The following LCE1F variants were observed in gnomAD, a reference collection of about 807,000 sequenced individuals.
The protein encoded by LCE1F is late cornified envelope protein 1F.
For missense variants in LCE1F, 154 were observed against 153.5 expected (o/e 1.00, Z -0.02); for synonymous variants, 67 against 59.9 (o/e 1.12, Z -0.55).
Position 152,776,512 on chromosome 1 carries a change from C to G in LCE1F, c.141C>G (p.Ser47Arg), listed in dbSNP as rs1017828053. Reference sequence around the variant, plus strand: ...CTGTCTCTTCCTGCTGCAGCGTCAGCTCCGGAGGCTGCTGTGGCTCCAGCT... The same window carrying G: ...CTGTCTCTTCCTGCTGCAGCGTCAGGTCCGGAGGCTGCTGTGGCTCCAGCT... The part of the protein sequence containing the change: ...CPPVSSCCSV[S>R]SGGCCGSSSG... Residue 47 changes from serine (S) to arginine (R), a missense_variant, in exon 2 of 2, where the codon AGC becomes AGG. By Grantham distance (110) the Ser-to-Arg change is moderately radical. Coordinates refer to ENST00000334371, the MANE Select transcript of LCE1F (RefSeq NM_178354.3). 2.5e-6 allele frequency: 4 copies of G among 1,603,094 alleles called. No homozygotes were observed. The African/African-American group carries it at 5.6e-5, about 22-fold the overall frequency.
At chr1:152,776,156 A>T (rs1259350051) in intron 1 of LCE1F, among the ~76,000 whole-genome samples, 194 bp from the exon 2 acceptor site, 1 of 152,210 alleles carries the variant, frequency 6.6e-6, no homozygotes, top group Admixed American at 6.5e-5. Context: ...CAACATCTCA[A>T]ATAAGGTTTG....
At position 152,776,834 on chromosome 1, in the gene LCE1F, C is replaced by A; in HGVS notation, c.*106C>A. ...GGGACATTTTAGTAAAGATTTCAAACTCTGTCCTGGAAGATTCCTCCGACC... is the reference window on the plus strand; with the variant it reads ...GGGACATTTTAGTAAAGATTTCAAAATCTGTCCTGGAAGATTCCTCCGACC... On this transcript the variant is annotated 3_prime_UTR_variant, in exon 2 of 2. Coordinates refer to ENST00000334371, the MANE Select transcript of LCE1F (RefSeq NM_178354.3). 7.5e-7 allele frequency: 1 copy of A among 1,337,028 alleles called. No homozygotes were observed. Among genetic ancestry groups the A allele is most frequent in the Non-Finnish European group, 1.0e-6 (1 of 986,814 alleles). 82.8% of individuals were successfully genotyped at this position (1,337,028 alleles called of 1,614,324 possible).
At position 152,776,766 on chromosome 1, in the gene LCE1F, T is replaced by C; in HGVS notation, c.*38T>C. 6.6e-7 allele frequency: 1 copy of C among 1,514,216 alleles called. No individual in the cohort carries two copies. The highest frequency in any genetic ancestry group is 1.3e-5 in the South Asian group (1 of 74,904). The allele number at this position is 1,514,216 out of a possible 1,614,324, so 93.8% of individuals were successfully genotyped here. On this transcript the variant is annotated 3_prime_UTR_variant, in exon 2 of 2. Coordinates refer to ENST00000334371, the MANE Select transcript of LCE1F (RefSeq NM_178354.3). ...GCCTAAAAGAGCAGATTTAGAGGCA[T>C]GAAAGGGGCAACTTCATCTTCCTTG...
Position 152,776,855 on chromosome 1 carries a change from C to A in LCE1F, c.*127C>A, listed in dbSNP as rs1001371814. 8.7e-6 allele frequency: 10 copies of A among 1,150,546 alleles called. No homozygotes were observed. In the African/African-American group the frequency reaches 1.1e-4, roughly 12 times the overall value. 71.3% of individuals were successfully genotyped at this position (1,150,546 alleles called of 1,614,324 possible). A position where few individuals can be genotyped will look rare whatever the true frequency, so the allele number is the denominator to read the frequency against. ...CAAACTCTGTCCTGGAAGATTCCTC[C>A]GACCTAGAATCCAGAAATCTGCCCT... is the stretch of plus-strand genomic sequence containing the variant. On this transcript the variant is annotated 3_prime_UTR_variant, in exon 2 of 2. Transcript: ENST00000334371.
At position 152,776,506 on chromosome 1, in the gene LCE1F, C is replaced by A. The variant is rs1758785; in HGVS notation, c.135C>A (p.Ser45Arg). 35 of 1,602,866 alleles carry A rather than the reference C, an allele frequency of 2.2e-5. No individual in the cohort carries two copies. Among genetic ancestry groups the A allele is most frequent in the Non-Finnish European group, 3.0e-5 (35 of 1,176,770 alleles). ...GCCCTCCTGTCTCTTCCTGCTGCAG[C>A]GTCAGCTCCGGAGGCTGCTGTGGCT... Reference protein sequence around the residue: ...PKCPPVSSCCSVSSGGCCGSS... With the variant: ...PKCPPVSSCCRVSSGGCCGSS... Residue 45 changes from serine (S) to arginine (R), a missense_variant, in exon 2 of 2, where the codon AGC becomes AGA. Ser to Arg is a moderately radical substitution (Grantham distance 110). Transcript: ENST00000334371.
chr1:152,775,442 A>C (rs1177995259), intron 1 of LCE1F, among the ~76,000 whole-genome samples: 5 of 152,200 alleles, frequency 3.3e-5, no homozygotes, highest in Admixed American at 3.3e-4. Flanking sequence ...ATTTAGAGGA[A>C]CCAAATTGTT....
chr1:152,776,484 C>G lies in LCE1F; in HGVS notation c.113C>G (p.Pro38Arg). 6.2e-7 allele frequency: 1 copy of G among 1,614,128 alleles called. No individual in the cohort carries two copies. The highest frequency in any genetic ancestry group is 2.2e-5 in the East Asian group (1 of 44,862). ...KCPPKCPPKC[P>R]PVSSCCSVSS... is the part of the protein sequence containing the mutation. ...CCCCCAAAGTGTCCCCCTAAGTGCC[C>G]TCCTGTCTCTTCCTGCTGCAGCGTC... Residue 38 changes from proline (P) to arginine (R), a missense_variant, in exon 2 of 2, where the codon CCT becomes CGT. Physicochemically the swap from Pro to Arg is moderately radical, Grantham distance 103 (BLOSUM62 -2). Coordinates refer to ENST00000334371, the MANE Select transcript of LCE1F (RefSeq NM_178354.3).
Position 152,776,546 on chromosome 1 carries a change from T to A in LCE1F, c.175T>A (p.Cys59Ser), listed in dbSNP as rs764190919. Reference sequence around the variant, plus strand: ...CTGCTGTGGCTCCAGCTCTGGGGGCTGCTGCAGCTCTGGGGGTGGTGGCTG... The same window carrying A: ...CTGCTGTGGCTCCAGCTCTGGGGGCAGCTGCAGCTCTGGGGGTGGTGGCTG... Reference protein sequence around the residue: ...GGCCGSSSGGCCSSGGGGCCS... With the variant: ...GGCCGSSSGGSCSSGGGGCCS... The change falls in exon 2 of 2, where the codon TGC becomes AGC. Residue 59 changes from cysteine to serine, a missense_variant. Transcript: ENST00000334371. 2 of 1,606,484 alleles carry A rather than the reference T, an allele frequency of 1.2e-6. No homozygotes were observed. The highest frequency in any genetic ancestry group is 1.7e-6 in the Non-Finnish European group (2 of 1,174,342).
At chr1:152,775,959 A>ATTTTTTTTTTTTTTTTTTTTTTTTTTTTT (rs1557832103) in intron 1 of LCE1F, among the ~76,000 whole-genome samples, 4 of 150,806 alleles carry the variant, frequency 2.7e-5, no homozygotes, top group African/African-American at 7.5e-5. Context: ...ATTTATTTTG[A>ATTTTTTTTTTTTTTTTTTTTTTTTTTTTT]TTTTTCCTTA....
At chr1:152,775,968 T>TTTTTTTTTTTTTTTTTTGAGACGG (rs1482952458) in intron 1 of LCE1F, among the ~76,000 whole-genome samples, 1 of 152,146 alleles carries the variant, frequency 6.6e-6, no homozygotes, top group African/African-American at 2.4e-5. Flanking sequence ...GATTTTTCCT[T>TTTTTTTTTTTTTTTTTTGAGACGG]AAAGAGATTT....
rs759590183 is a variant in LCE1F at position 152,776,614 on chromosome 1, A to G, written c.243A>G (p.Arg81=). 1.2e-5 allele frequency: 20 copies of G among 1,612,334 alleles called. No homozygotes were observed. The South Asian group carries it at 2.2e-4, about 18-fold the overall frequency. The change falls in exon 2 of 2, where the codon AGA becomes AGG. Residue 81 remains arginine, a synonymous_variant. Coordinates refer to ENST00000334371, the MANE Select transcript of LCE1F (RefSeq NM_178354.3). ...GGGGCCLSHH[R]RRRSHRHRPQ... is the part of the protein sequence containing the mutation. ...GCGGCTGTTGCCTGAGCCACCACAG[A>G]CGGCGTAGGTCCCACCGCCACAGAC...
At chr1:152,776,093 C>A (rs1466384612) in intron 1 of LCE1F, among the ~76,000 whole-genome samples, 1 of 152,124 alleles carries the variant, frequency 6.6e-6, no homozygotes, top group African/African-American at 2.4e-5. Context: ...CACTTAGGAG[C>A]TTTTAATGAG....
At chr1:152,776,159 A>T (rs868216812) in intron 1 of LCE1F, among the ~76,000 whole-genome samples, 191 bp from the exon 2 acceptor site, 3 of 152,150 alleles carry the variant, frequency 2.0e-5, no homozygotes, top group African/African-American at 7.2e-5. Context: ...CATCTCAAAT[A>T]AGGTTTGAAA....
chr1:152,776,015 G>A (rs1651581897), intron 1 of LCE1F, among the ~76,000 whole-genome samples: 1 of 152,100 alleles, frequency 6.6e-6, no homozygotes, highest in Admixed American at 6.5e-5. Context: ...AACATTTTCA[G>A]AATTCTTGGT....
rs1368978185 is a variant in LCE1F at position 152,775,188 on chromosome 1, C to T, written c.-25C>T. On this transcript the variant is annotated splice_region_variant and 5_prime_UTR_variant, in exon 1 of 2. Transcript: ENST00000334371. The stretch of plus-strand genomic sequence containing the variant: ...GAAGAACCCTGTGCTGCCTGTGATC[C>T]TGGTAAGTGTGCCCTGGAAAAAGGA... Among the ~76,000 whole-genome samples, 1 of 152,306 alleles carries T rather than the reference C, an allele frequency of 6.6e-6. No homozygotes were observed. The highest frequency in any genetic ancestry group is 1.9e-4 in the East Asian group (1 of 5,180).
rs1570847446 is a variant in LCE1F at position 152,776,587 on chromosome 1, A to T, written c.216A>T (p.Gly72=). 6.8e-7 allele frequency: 1 copy of T among 1,476,036 alleles called. No homozygotes were observed. The highest frequency in any genetic ancestry group is 9.3e-7 in the Non-Finnish European group (1 of 1,074,606). 91.4% of individuals were successfully genotyped at this position (1,476,036 alleles called of 1,614,324 possible). ...SGGGGCCSSG[G]GGCCLSHHRR... ...GTGGTGGCTGCTGCAGCTCTGGGGG[A>T]GGCGGCTGTTGCCTGAGCCACCACA... The change falls in exon 2 of 2, where the codon GGA becomes GGT. Residue 72 remains glycine (G), a synonymous_variant. Coordinates refer to ENST00000334371, the MANE Select transcript of LCE1F (RefSeq NM_178354.3).
In LCE1F at chr1:152,776,795, C is replaced by T; in HGVS notation, c.*67C>T. The T allele has an allele frequency of 6.8e-7, 1 of 1,473,828 alleles. No individual in the cohort carries two copies. The highest frequency in any genetic ancestry group is 9.1e-7 in the Non-Finnish European group (1 of 1,098,492). 91.3% of individuals were successfully genotyped at this position (1,473,828 alleles called of 1,614,324 possible). ...AGGGGCAACTTCATCTTCCTTGGGA[C>T]TGACTGTGTTGCTGGGACATTTTAG... On this transcript the variant is annotated 3_prime_UTR_variant, in exon 2 of 2. Transcript: ENST00000334371.
Position 152,776,465 on chromosome 1 carries a change from A to C in LCE1F, c.94A>C (p.Lys32Gln). Residue 32 changes from lysine (K) to glutamine (Q), a missense_variant, in exon 2 of 2, where the codon AAG becomes CAG. Lys to Gln is a moderately conservative substitution (Grantham distance 53). Transcript: ENST00000334371. ...GTGCCCCACACCGAAGTGCCCCCCA[A>C]AGTGTCCCCCTAAGTGCCCTCCTGT... The part of the protein sequence containing the change: ...PKCPTPKCPP[K>Q]CPPKCPPVSS... 1 of 1,597,300 alleles carries C rather than the reference A, an allele frequency of 6.3e-7. No individual in the cohort carries two copies. Among genetic ancestry groups the C allele is most frequent in the Admixed American group, 1.7e-5 (1 of 58,258 alleles).
In LCE1F at chr1:152,776,503, C is replaced by T. The variant is rs1651604570; in HGVS notation, c.132C>T (p.Cys44=). Residue 44 remains cysteine (C), a synonymous_variant, in exon 2 of 2, where the codon TGC becomes TGT. Coordinates refer to ENST00000334371, the MANE Select transcript of LCE1F (RefSeq NM_178354.3). ...PPKCPPVSSC[C]SVSSGGCCGS... ...AGTGCCCTCCTGTCTCTTCCTGCTG[C>T]AGCGTCAGCTCCGGAGGCTGCTGTG... is the stretch of plus-strand genomic sequence containing the variant. The T allele has an allele frequency of 6.2e-7, 1 of 1,613,766 alleles. No individual in the cohort carries two copies. Among genetic ancestry groups the T allele is most frequent in the African/African-American group, 1.3e-5 (1 of 74,882 alleles).
Sources: gnomAD v4.1 joint callset for allele counts (sites outside exome capture counted in the v4.1 genomes callset) on GRCh38, gnomAD v4.1.1 for gene constraint, MANE v1.5 for transcripts, NCBI Gene and HGNC (gene_info 2026-07-23, HGNC 2026-07-21) for gene names.